The following BAZ2B variants were observed in gnomAD, a reference collection of about 807,000 sequenced individuals.
BAZ2B encodes bromodomain adjacent to zinc finger domain protein 2B.
A neutral mutation model predicts 246.0 loss-of-function variants in BAZ2B; 91 were observed. The observed-to-expected ratio is 0.37, with a 90% CI of 0.31 to 0.44. The LOEUF (loss-of-function observed/expected upper bound fraction) is 0.44, where lower values mean the gene tolerates loss of function less well. Among genes scored for constraint, BAZ2B ranks in the 20% least tolerant of loss-of-function variants. The pLI, the probability that BAZ2B is intolerant of heterozygous loss-of-function variation, is 1.00. For synonymous variants in BAZ2B, 855 were observed against 860.0 expected, an observed-to-expected ratio of 0.99 and a Z score of 0.10; for missense variants, 2,332 against 2,533.7, an observed-to-expected ratio of 0.92 and a Z score of 1.71.
chr2:159,485,513 A>C (rs2079718087), intron 2 of BAZ2B, among the ~76,000 whole-genome samples: 1 of 152,146 alleles, frequency 6.6e-6, no homozygotes, highest in Non-Finnish European at 1.5e-5. Flanking sequence ...CACTATAAAC[A>C]AACAATTTAT....
At chr2:159,503,197 A>G (rs571828259) in intron 2 of BAZ2B, among the ~76,000 whole-genome samples, 3 of 152,298 alleles carry the variant, frequency 2.0e-5, no homozygotes, top group Admixed American at 2.0e-4. Flanking sequence ...TGTATGATAA[A>G]ATCCCAGGTC....
chr2:159,461,710 A>G (rs1209286132), intron 3 of BAZ2B: 1 of 152,682 alleles, frequency 6.5e-6, no homozygotes, highest in Non-Finnish European at 1.5e-5. Context: ...TATAACTACA[A>G]TGGTACTAAG....
intron 3 of BAZ2B, chr2:159,464,873 C>T (rs1224564681): frequency 1.3e-5 from 2 of 152,116 alleles, no homozygotes; most frequent in African/African-American, 4.8e-5. Context: ...ACAGAAAAAA[C>T]TAAAAGTAAT....
At chr2:159,467,405 C>A (rs1046832462) in intron 3 of BAZ2B, among the ~76,000 whole-genome samples, 2 of 152,098 alleles carry the variant, frequency 1.3e-5, no homozygotes, top group African/African-American at 4.8e-5. Flanking sequence ...GTTCTGCCTC[C>A]CTCAGACGGG....
chr2:159,711,850 T>C, the BAZ2B span: 2 of 152,302 alleles, frequency 1.3e-5, no homozygotes, highest in Admixed American at 1.3e-4. Context: ...GCAAAATCGA[T>C]GGCTACGCTA....
intron 27 of BAZ2B, among the ~76,000 whole-genome samples, chr2:159,360,959 A>AT (rs1488553190): frequency 6.6e-6 from 1 of 152,218 alleles, no homozygotes; most frequent in African/African-American, 2.4e-5. Context: ...CTCAAGATGG[A>AT]TTGAAGACTT....
At chr2:159,433,518 G>C in intron 8 of BAZ2B, 155 bp from the exon 9 acceptor site, 1 of 623,290 alleles carries the variant, frequency 1.6e-6, no homozygotes, top group Non-Finnish European at 2.5e-6. Context: ...CAACAGCTAT[G>C]ACTAGTTGGT....
the BAZ2B span, among the ~76,000 whole-genome samples, chr2:159,651,666 C>T: frequency 2.0e-5 from 3 of 152,072 alleles, no homozygotes; most frequent in South Asian, 6.2e-4. Context: ...ACCATCACTA[C>T]AGATTTTCAT....
chr2:159,405,830 T>C (rs2065853846), intron 14 of BAZ2B, among the ~76,000 whole-genome samples: 1 of 151,968 alleles, frequency 6.6e-6, no homozygotes, highest in Non-Finnish European at 1.5e-5. Flanking sequence ...AAAGAAAGAC[T>C]CTCAATTAAA....
In BAZ2B at chr2:159,385,447, T is replaced by C. The variant is rs1177399057; in HGVS notation, c.3472-78A>G. On this transcript the variant is annotated intron_variant, in intron 22 of 36. Coordinates refer to ENST00000392783, the MANE Select transcript of BAZ2B (RefSeq NM_013450.4). ...AAAACAATAAGATTAAAAATCCTCA[T>C]ATTATTTGATTTAGATACTACTGAC... is the stretch of plus-strand genomic sequence containing the variant. 3.8e-6 allele frequency: 5 copies of C among 1,316,064 alleles called. No individual in the cohort carries two copies. The African/African-American group carries it at 5.9e-5, about 16-fold the overall frequency. 81.5% of individuals were successfully genotyped at this position (1,316,064 alleles called of 1,614,324 possible).
At chr2:159,538,118 T>C (rs977322327) in intron 2 of BAZ2B, among the ~76,000 whole-genome samples, 2 of 152,154 alleles carry the variant, frequency 1.3e-5, no homozygotes, top group African/African-American at 4.8e-5. Flanking sequence ...CACCTCAGCC[T>C]CTCTGGTTGC....
intron 1 of BAZ2B, among the ~76,000 whole-genome samples, chr2:159,588,416 T>C (rs1688556705): frequency 6.6e-6 from 1 of 152,020 alleles, no homozygotes. Flanking sequence ...CTCAACACTT[T>C]GGGAGATCAA....
intron 2 of BAZ2B, among the ~76,000 whole-genome samples, chr2:159,550,352 T>A (rs1173226901): frequency 1.3e-5 from 2 of 152,138 alleles, no homozygotes; most frequent in African/African-American, 4.8e-5. Flanking sequence ...CTTTACCCAT[T>A]CTCAGTATAG....
rs760681753 is a variant in BAZ2B, at chr2:159,404,868, A to G, written c.2813T>C (p.Ile938Thr). ...ACATACCTGCTGTTTCATAATCTTTATCTGTTCTTTTTGCTTCCGCTTCTC... is the reference window on the plus strand; with the variant it reads ...ACATACCTGCTGTTTCATAATCTTTGTCTGTTCTTTTTGCTTCCGCTTCTC... ...AEEKRKQKEQ[I>T]KIMKQQEKIK... The change falls in exon 16 of 37, where the codon ATA (isoleucine) becomes ACA (threonine). Residue 938 changes from isoleucine to threonine, a missense_variant. By Grantham distance (89) the Ile-to-Thr change is moderately conservative. This residue lies in a region of BAZ2B where 651 missense variants were observed against 650.9 expected (regional missense o/e 1.00). Coordinates refer to ENST00000392783, the MANE Select transcript of BAZ2B (RefSeq NM_013450.4). 5 of 1,613,094 alleles carry G rather than the reference A, an allele frequency of 3.1e-6. No individual in the cohort carries two copies. Among genetic ancestry groups the G allele is most frequent in the Non-Finnish European group, 4.2e-6 (5 of 1,179,856 alleles).
intron 10 of BAZ2B, among the ~76,000 whole-genome samples, chr2:159,430,363 CTT>C (rs2070858315): frequency 6.6e-6 from 1 of 152,132 alleles, no homozygotes; most frequent in Admixed American, 6.6e-5. Flanking sequence ...TAACATTTTT[CTT>C]TTCTCTTTAT....
At chr2:159,541,794 G>GTCCAGGTTCCTC (rs2086693061) in intron 2 of BAZ2B, among the ~76,000 whole-genome samples, 1 of 151,962 alleles carries the variant, frequency 6.6e-6, no homozygotes, top group African/African-American at 2.4e-5. Context: ...TTAAGTTACT[G>GTCCAGGTTCCTC]TCCAGGTTCC....
intron 2 of BAZ2B, among the ~76,000 whole-genome samples, chr2:159,536,933 T>C (rs1171765406): frequency 1.3e-5 from 2 of 152,136 alleles, no homozygotes; most frequent in African/African-American, 2.4e-5. Flanking sequence ...TTAATCTATG[T>C]TTAATAAACA....
At chr2:159,485,590 T>C (rs1225159413) in intron 2 of BAZ2B, among the ~76,000 whole-genome samples, 8 of 152,046 alleles carry the variant, frequency 5.3e-5, no homozygotes, top group Admixed American at 5.2e-4. Flanking sequence ...ATTCAGCAAG[T>C]TTCAGACTCC....
Position 159,385,373 on chromosome 2 carries a change from T to C in BAZ2B, c.3472-4A>G, listed in dbSNP as rs1278706779. 1.9e-6 allele frequency: 3 copies of C among 1,610,478 alleles called. No homozygotes were observed. Among genetic ancestry groups the C allele is most frequent in the South Asian group, 2.2e-5 (2 of 90,960 alleles). ...GTTCTCCAAGAGCTGTTTTAGCCTATAAAAGTTTGGCATTTTTATCAGTAT... is the reference window on the plus strand; with the variant it reads ...GTTCTCCAAGAGCTGTTTTAGCCTACAAAAGTTTGGCATTTTTATCAGTAT... On this transcript the variant is annotated splice_polypyrimidine_tract_variant and splice_region_variant and intron_variant, in intron 22 of 36. Transcript: ENST00000392783.
Sources: gnomAD v4.1 joint callset for allele counts (sites outside exome capture counted in the v4.1 genomes callset) on GRCh38, gnomAD v4.1.1 for gene constraint, gnomAD v4.1.1 regional missense constraint, MANE v1.5 for transcripts, NCBI Gene and HGNC (gene_info 2026-07-23, HGNC 2026-07-21) for gene names.